Variants in CAPN2 observed in about 807,000 individuals in gnomAD.
CAPN2 encodes the protein calpain-2 catalytic subunit.
A neutral mutation model predicts 102.3 loss-of-function variants in CAPN2; 92 were observed. The ratio of observed to expected loss-of-function variants is 0.90; its 90% CI spans 0.76 to 1.07. The LOEUF is 1.07. CAPN2 is among the 50% of genes least tolerant of loss of function. The pLI is 0.00. For missense variants in CAPN2, 800 were observed against 909.4 expected (o/e 0.88, Z 1.55); for synonymous variants, 340 against 355.4 (o/e 0.96, Z 0.49).
chr1:223,765,737 C>T (rs1375866736), intron 15 of CAPN2, among the ~76,000 whole-genome samples: 1 of 152,216 alleles, frequency 6.6e-6, no homozygotes, highest in Non-Finnish European at 1.5e-5. Context: ...AGAGTGGCAG[C>T]TTTGAGGCAG....
chr1:223,749,113 AG>A lies in CAPN2; in HGVS notation c.805del (p.Ala269ProfsTer13), dbSNP rs1660823482. 9.3e-6 allele frequency: 15 copies of A among 1,613,960 alleles called. No homozygotes were observed. The highest frequency in any genetic ancestry group is 1.3e-5 in the Non-Finnish European group (15 of 1,179,856). On this transcript the variant is annotated frameshift_variant, in exon 6 of 21. Coordinates refer to ENST00000295006, the MANE Select transcript of CAPN2 (RefSeq NM_001748.5). LOFTEE classifies it high-confidence loss of function. ...AGGGGCACGCGTACTCGGTCACCGG[AG>A]CCGAGGAGGTAACGGCCGGCGCGGA... The part of the protein sequence containing the change: ...VKGHAYSVTG[A>X]EEVESNGSLQ...
intron 2 of CAPN2, among the ~76,000 whole-genome samples, chr1:223,720,765 T>TA (rs955549355): frequency 2.0e-4 from 30 of 151,522 alleles, no homozygotes; most frequent in South Asian, 4.2e-4. Context: ...ACTGTACAGA[T>TA]AAAAAAAAAC....
chr1:223,718,972 CA>C (rs1189361272), intron 2 of CAPN2, among the ~76,000 whole-genome samples: 1 of 152,152 alleles, frequency 6.6e-6, no homozygotes. Context: ...TGAGGAATGT[CA>C]GAGCATCATG....
At chr1:223,758,780 ACT>A (rs1661105447) in intron 11 of CAPN2, 1 of 187,120 alleles carries the variant, frequency 5.3e-6, no homozygotes, top group Admixed American at 5.4e-5. Context: ...CCGTCCTTGA[ACT>A]CTCAGACTCA....
chr1:223,740,238 C>T (rs1660579144), intron 2 of CAPN2, among the ~76,000 whole-genome samples: 1 of 152,140 alleles, frequency 6.6e-6, no homozygotes, highest in Non-Finnish European at 1.5e-5. Flanking sequence ...CATTGAGTCA[C>T]CTCTGTTTGA....
At chr1:223,764,423 A>T (rs561606182) in intron 15 of CAPN2, among the ~76,000 whole-genome samples, 18 of 152,184 alleles carry the variant, frequency 1.2e-4, no homozygotes, top group African/African-American at 4.3e-4. Flanking sequence ...TTTCCACTAC[A>T]TACTAGCTTT....
At chr1:223,752,692 G>T in intron 8 of CAPN2, 104 bp from the exon 9 acceptor site, 1 of 1,071,416 alleles carries the variant, frequency 9.3e-7, no homozygotes, top group Non-Finnish European at 1.4e-6. Flanking sequence ...CTAATGAGCT[G>T]CTCTGCCTGG....
chr1:223,758,695 G>GT (rs950827913), intron 11 of CAPN2: 259 of 142,782 alleles, frequency 1.8e-3, no homozygotes, highest in East Asian at 2.3e-3. Flanking sequence ...TTTGCTTTTT[G>GT]TTTTTTTTTT....
intron 18 of CAPN2, 103 bp downstream of exon 18, chr1:223,770,628 A>AGCT: frequency 1.3e-6 from 1 of 764,494 alleles, no homozygotes; most frequent in South Asian, 1.7e-5. Context: ...AAAGCTATAA[A>AGCT]ATAAAGTAGG....
At position 223,766,415 on chromosome 1, in the gene CAPN2, T is replaced by G. The variant is rs747934987; in HGVS notation, c.1739T>G (p.Met580Arg). ...DGFSIETCKIMVDMLDSDGSG... is the reference protein window; with the variant it reads ...DGFSIETCKIRVDMLDSDGSG... The stretch of plus-strand genomic sequence containing the variant: ...TTCAGCATCGAGACATGCAAAATTA[T>G]GGTTGACATGCTAGATGTATCCTTT... Residue 580 changes from methionine (M) to arginine (R), a missense_variant, in exon 16 of 21, where the codon ATG (methionine) becomes AGG (arginine). Physicochemically the swap from Met to Arg is moderately conservative, Grantham distance 91. Coordinates refer to ENST00000295006, the MANE Select transcript of CAPN2 (RefSeq NM_001748.5). 6.2e-7 allele frequency: 1 copy of G among 1,613,034 alleles called. No individual in the cohort carries two copies. The highest frequency in any genetic ancestry group is 8.5e-7 in the Non-Finnish European group (1 of 1,179,046).
chr1:223,742,028 T>G (rs1660631058), intron 2 of CAPN2, among the ~76,000 whole-genome samples: 1 of 152,218 alleles, frequency 6.6e-6, no homozygotes, highest in African/African-American at 2.4e-5. Flanking sequence ...CAACCATGTC[T>G]AAGTGCTAAC....
intron 19 of CAPN2, 107 bp downstream of exon 19, chr1:223,772,032 T>G (rs905610586): frequency 8.8e-7 from 1 of 1,130,512 alleles, no homozygotes; most frequent in Non-Finnish European, 1.3e-6. Context: ...CTTCCAGGAG[T>G]TGAGAATGAA....
At chr1:223,761,275 T>A (rs1280087336) in intron 12 of CAPN2, among the ~76,000 whole-genome samples, 1 of 152,250 alleles carries the variant, frequency 6.6e-6, no homozygotes, top group Admixed American at 6.5e-5. Flanking sequence ...CCACGTTGCT[T>A]TGGTCATGAC....
intron 14 of CAPN2, among the ~76,000 whole-genome samples, chr1:223,763,654 A>G (rs2102812288): frequency 6.6e-6 from 1 of 152,368 alleles, no homozygotes; most frequent in Admixed American, 6.5e-5. Context: ...AACATGCCAG[A>G]TAAGAGGAAT....
Position 223,759,244 on chromosome 1 carries a change from C to G in CAPN2, c.1318-26C>G. 2 of 1,598,032 alleles carry G rather than the reference C, an allele frequency of 1.3e-6. No individual in the cohort carries two copies. The highest frequency in any genetic ancestry group is 1.7e-6 in the Non-Finnish European group (2 of 1,165,464). ...GCCTGGAGGCTTCCCCTCATCTACC[C>G]CCATGTTTCTCTATTTATTCCTCAG... is the stretch of plus-strand genomic sequence containing the variant. On this transcript the variant is annotated intron_variant, in intron 11 of 20. Transcript: ENST00000295006. The surrounding 1 kb of genome is among the most constrained non-coding windows in gnomAD (Gnocchi z 4.6).
In CAPN2 at chr1:223,774,879, A is replaced by T; in HGVS notation, c.*22A>T. On this transcript the variant is annotated 3_prime_UTR_variant, in exon 21 of 21. Transcript: ENST00000295006. ...TTGAAGTTATAACTAATCTGCCTGAAGACTTCTCATGATGGAAAATCAGCC... is the reference window on the plus strand; with the variant it reads ...TTGAAGTTATAACTAATCTGCCTGATGACTTCTCATGATGGAAAATCAGCC... 6.2e-7 allele frequency: 1 copy of T among 1,607,526 alleles called. No individual in the cohort carries two copies. Among genetic ancestry groups the T allele is most frequent in the Non-Finnish European group, 8.5e-7 (1 of 1,174,626 alleles).
chr1:223,722,946 T>C (rs573287480), intron 2 of CAPN2, among the ~76,000 whole-genome samples: 5 of 152,330 alleles, frequency 3.3e-5, no homozygotes, highest in African/African-American at 4.8e-5. Context: ...GTCTCTCAAG[T>C]CTTTCCTTAA....
chr1:223,718,131 C>T (rs12080565), intron 2 of CAPN2, among the ~76,000 whole-genome samples: 17,547 of 152,188 alleles, frequency 0.12, 1,517 homozygotes, highest in African/African-American at 0.21. Context: ...TGGTATGCAC[C>T]TCCTGGAGCC....
intron 2 of CAPN2, among the ~76,000 whole-genome samples, chr1:223,720,316 T>TC (rs1553253030): frequency 0.26 from 1,376 of 5,372 alleles, 21 homozygotes; most frequent in African/African-American, 0.37. Flanking sequence ...TCTTTCTCTC[T>TC]TTTTTTTTTT....
Sources: gnomAD v4.1 joint callset for allele counts (sites outside exome capture counted in the v4.1 genomes callset) on GRCh38, gnomAD v4.1.1 for gene constraint, Gnocchi (gnomAD v3.1) non-coding constraint, MANE v1.5 for transcripts, NCBI Gene and HGNC (gene_info 2026-07-23, HGNC 2026-07-21) for gene names.